The following NPAS2 variants were observed in gnomAD, a reference collection of about 807,000 sequenced individuals.
NPAS2 encodes the protein neuronal PAS domain-containing protein 2.
Under a neutral mutation model 107.5 loss-of-function variants are expected in NPAS2, and 23 were observed. That is an observed-to-expected ratio of 0.21 (90% CI 0.15 to 0.30). The LOEUF (loss-of-function observed/expected upper bound fraction) is 0.30, where lower values mean the gene tolerates loss of function less well. NPAS2 is among the 10% of genes least tolerant of loss of function. The probability of loss-of-function intolerance (pLI) is 1.00; values close to 1 mark genes in which losing one functional copy is unlikely to be tolerated. For missense variants in NPAS2, 756 were observed against 1,043.3 expected (o/e 0.72, Z 3.79); for synonymous variants, 403 against 417.5 (o/e 0.97, Z 0.42).
chr2:100,824,645 C>T (rs2104320308), intron 1 of NPAS2, among the ~76,000 whole-genome samples: 2 of 152,310 alleles, frequency 1.3e-5, no homozygotes, highest in Admixed American at 1.3e-4. Context: ...ATTGCTTCCT[C>T]CTGCCATCTA....
chr2:100,856,706 G>A (rs1318961612), intron 1 of NPAS2, among the ~76,000 whole-genome samples: 1 of 150,954 alleles, frequency 6.6e-6, no homozygotes, highest in Non-Finnish European at 1.5e-5. Context: ...GTGTGTATGG[G>A]CGGGGTGGGG....
At chr2:100,894,040 G>C (rs1215269729) in intron 1 of NPAS2, among the ~76,000 whole-genome samples, 1 of 152,198 alleles carries the variant, frequency 6.6e-6, no homozygotes, top group Admixed American at 6.5e-5. Flanking sequence ...CACTGCTGAC[G>C]CACTTGGGAC....
At chr2:100,843,212 T>A (rs1361690922) in intron 1 of NPAS2, among the ~76,000 whole-genome samples, 2 of 108,776 alleles carry the variant, frequency 1.8e-5, no homozygotes, top group African/African-American at 4.0e-5. Context: ...AGTGAGACTC[T>A]GTCTCAAAAA....
At position 100,995,687 on chromosome 2, in the gene NPAS2, G is replaced by A; in HGVS notation, c.*105G>A. Reference sequence around the variant, plus strand: ...TCTGAACTAAACCCCTGGCTTTTGTGCACACTGCATACGTTTCAGAACTCC... The same window carrying A: ...TCTGAACTAAACCCCTGGCTTTTGTACACACTGCATACGTTTCAGAACTCC... On this transcript the variant is annotated 3_prime_UTR_variant, in exon 21 of 21. Transcript: ENST00000335681. The A allele has an allele frequency of 6.5e-7, 1 of 1,549,958 alleles. No homozygotes were observed. The highest frequency in any genetic ancestry group is 8.7e-7 in the Non-Finnish European group (1 of 1,147,524).
intron 1 of NPAS2, among the ~76,000 whole-genome samples, chr2:100,895,636 C>G (rs1482595249): frequency 6.6e-6 from 1 of 152,142 alleles, no homozygotes; most frequent in Non-Finnish European, 1.5e-5. Flanking sequence ...ACACTCAGTG[C>G]TCCACTGGCC....
intron 2 of NPAS2, among the ~76,000 whole-genome samples, chr2:100,905,427 G>A (rs1422634380): frequency 6.6e-6 from 1 of 151,458 alleles, no homozygotes; most frequent in Non-Finnish European, 1.5e-5. Flanking sequence ...TACTAGATAT[G>A]CAGTGGAATC....
intron 13 of NPAS2, 150 bp downstream of exon 13, chr2:100,975,094 A>G: frequency 1.3e-6 from 1 of 774,420 alleles, no homozygotes; most frequent in Non-Finnish European, 2.0e-6. Context: ...TTCCTTTCCC[A>G]GACTTCCCGC....
chr2:100,970,862 C>T (rs1429659219), intron 11 of NPAS2, 128 bp from the exon 12 acceptor site: 3 of 698,660 alleles, frequency 4.3e-6, no homozygotes, highest in Non-Finnish European at 7.3e-6. Flanking sequence ...CTAGGCTCCT[C>T]TGTGTTGACT....
intron 1 of NPAS2, among the ~76,000 whole-genome samples, chr2:100,885,230 G>T (rs6742469): frequency 1.1e-3 from 165 of 152,156 alleles, no homozygotes; most frequent in African/African-American, 3.9e-3. Flanking sequence ...GATTACAGGC[G>T]TGAGCCACCG....
At chr2:100,932,753 T>G (rs1177428903) in intron 3 of NPAS2, among the ~76,000 whole-genome samples, 157 bp from the exon 4 acceptor site, 2 of 152,258 alleles carry the variant, frequency 1.3e-5, no homozygotes, top group Non-Finnish European at 1.5e-5. Flanking sequence ...CTCCCAGTCC[T>G]TGGAAATCAG....
At chr2:100,882,038 T>C (rs1177317933) in intron 1 of NPAS2, among the ~76,000 whole-genome samples, 2 of 152,268 alleles carry the variant, frequency 1.3e-5, no homozygotes, top group South Asian at 2.1e-4. Flanking sequence ...CCTGATGCCA[T>C]GGGAATCCTC....
At position 100,825,268 on chromosome 2, in the gene NPAS2, A is replaced by G. The variant is rs959968287; in HGVS notation, c.-23+4854A>G. Among the ~76,000 whole-genome samples the G allele has an allele frequency of 3.9e-5, 6 of 152,204 alleles. No homozygotes were observed. The East Asian group carries it at 1.2e-3, about 29-fold the overall frequency. ...TGTGCCCCTTGGTGATAAAATATTA[A>G]GAGCTCGAGGTCATCTGAAAATTAT... On this transcript the variant is annotated intron_variant, in intron 1 of 20. Coordinates refer to ENST00000335681, the MANE Select transcript of NPAS2 (RefSeq NM_002518.4).
chr2:100,943,820 T>A (rs1674725427), intron 5 of NPAS2, among the ~76,000 whole-genome samples: 1 of 152,214 alleles, frequency 6.6e-6, no homozygotes, highest in African/African-American at 2.4e-5. Context: ...GGAGGGAACC[T>A]GCAGTTAGGC....
rs990711627 is a variant in NPAS2 at position 100,933,625 on chromosome 2, T to G, written c.273+624T>G. ...CGTATTTGTGAAAACCTGGCTGATC[T>G]AAATGAGTCCCTTTCCTCAACATCA... On this transcript the variant is annotated intron_variant, in intron 4 of 20. Coordinates refer to ENST00000335681, the MANE Select transcript of NPAS2 (RefSeq NM_002518.4). Among the ~76,000 whole-genome samples the G allele has an allele frequency of 3.3e-5, 5 of 152,316 alleles. No homozygotes were observed. In the East Asian group the frequency reaches 9.7e-4, roughly 29 times the overall value.
Position 100,990,408 on chromosome 2 carries a change from C to T in NPAS2, c.1980C>T (p.Cys660=). The change falls in exon 18 of 21, where the codon TGC becomes TGT. Residue 660 remains cysteine (C), a synonymous_variant. Transcript: ENST00000335681. The part of the protein sequence containing the change: ...PASTSQDASQ[C]QPSPDFSHDR... ...CCACCTCCCAGGATGCCAGCCAGTGCCAGCCCAGCCCAGACTTCAGCCATG... is the reference window on the plus strand; with the variant it reads ...CCACCTCCCAGGATGCCAGCCAGTGTCAGCCCAGCCCAGACTTCAGCCATG... 6.2e-7 allele frequency: 1 copy of T among 1,614,226 alleles called. No homozygotes were observed. The highest frequency in any genetic ancestry group is 8.5e-7 in the Non-Finnish European group (1 of 1,180,030).
intron 1 of NPAS2, among the ~76,000 whole-genome samples, chr2:100,891,398 G>A (rs528463171): frequency 7.9e-5 from 12 of 152,266 alleles, no homozygotes; most frequent in African/African-American, 2.9e-4. Flanking sequence ...TGCAGCATTG[G>A]ACATACTTGA....
chr2:100,965,603 G>T lies in NPAS2; in HGVS notation c.801-57G>T. The T allele has an allele frequency of 8.9e-7, 1 of 1,125,404 alleles. No individual in the cohort carries two copies. The highest frequency in any genetic ancestry group is 1.3e-5 in the South Asian group (1 of 76,630). The allele number at this position is 1,125,404 out of a possible 1,614,324, so 69.7% of individuals were successfully genotyped here. ...CATTATGGAAAGGCATGGCCACCAGGGTGAGCCCTGCAGGGTGTCTCCTCC... is the reference window on the plus strand; with the variant it reads ...CATTATGGAAAGGCATGGCCACCAGTGTGAGCCCTGCAGGGTGTCTCCTCC... On this transcript the variant is annotated intron_variant, in intron 9 of 20. Coordinates refer to ENST00000335681, the MANE Select transcript of NPAS2 (RefSeq NM_002518.4). This position sits in a 1 kb window ranked among gnomAD's most constrained non-coding sequence, Gnocchi z 4.3.
At chr2:100,824,510 G>C (rs1041442957) in intron 1 of NPAS2, among the ~76,000 whole-genome samples, 5 of 152,186 alleles carry the variant, frequency 3.3e-5, no homozygotes, top group Non-Finnish European at 7.3e-5. Flanking sequence ...TCTATTCTGT[G>C]GTGGGTCACT....
At chr2:100,902,851 G>A (rs563431241) in intron 1 of NPAS2, among the ~76,000 whole-genome samples, 1 of 152,348 alleles carries the variant, frequency 6.6e-6, no homozygotes, top group African/African-American at 2.4e-5. Flanking sequence ...CCTCACACTG[G>A]GTGCAGCTCA....
Sources: allele counts gnomAD v4.1 joint callset (sites outside exome capture counted in the v4.1 genomes callset), GRCh38; gene constraint gnomAD v4.1.1; non-coding constraint Gnocchi (gnomAD v3.1); transcripts MANE v1.5; gene names NCBI Gene and HGNC (gene_info 2026-07-23, HGNC 2026-07-21).